ARHGAP28: variants seen among roughly 807,000 people sequenced by gnomAD.
ARHGAP28 encodes Rho GTPase activating protein 28.
A neutral mutation model predicts 90.7 loss-of-function variants in ARHGAP28; 56 were observed. That is an observed-to-expected ratio of 0.62 (90% CI 0.50 to 0.77). ARHGAP28 has a LOEUF of 0.77. Among genes scored for constraint, ARHGAP28 ranks in the 30% least tolerant of loss-of-function variants. The pLI, the probability that ARHGAP28 is intolerant of heterozygous loss-of-function variation, is 0.00. For synonymous variants in ARHGAP28, 308 were observed against 323.3 expected, an observed-to-expected ratio of 0.95 and a Z score of 0.51; for missense variants, 869 against 900.9, an observed-to-expected ratio of 0.96 and a Z score of 0.45.
intron 1 of ARHGAP28, among the ~76,000 whole-genome samples, chr18:6,781,829 T>C (rs1274553920): frequency 6.6e-6 from 1 of 152,248 alleles, no homozygotes; most frequent in Admixed American, 6.5e-5. Flanking sequence ...TGCCAGTTGA[T>C]ATCTCTTTTC....
In ARHGAP28 at chr18:6,736,658, A is replaced by G. The variant is rs376865908; in HGVS notation, c.122+6715A>G. On this transcript the variant is annotated intron_variant, in intron 1 of 17. Coordinates refer to ENST00000383472, the MANE Select transcript of ARHGAP28 (RefSeq NM_001366230.1). ...GCTACTTGGGAGGCTGAGGCAGGAG[A>G]ATCACTTGAACCCAGGAGGCGGAGG... Among the ~76,000 whole-genome samples the G allele has an allele frequency of 5.9e-5, 9 of 151,360 alleles. 1 individual carries two copies. The South Asian group carries it at 1.9e-3, about 32-fold the overall frequency.
chr18:6,828,357 G>A (rs1024485429), intron 2 of ARHGAP28, among the ~76,000 whole-genome samples: 2 of 151,988 alleles, frequency 1.3e-5, no homozygotes, highest in African/African-American at 2.4e-5. Context: ...GAGGGAGAGG[G>A]AGACCGTGGG....
intron 1 of ARHGAP28, among the ~76,000 whole-genome samples, chr18:6,734,046 G>T (rs1176101443): frequency 1.3e-5 from 2 of 152,196 alleles, no homozygotes; most frequent in East Asian, 3.8e-4. Flanking sequence ...ATAAGTATTT[G>T]TTGGGAGGAA....
chr18:6,880,295 G>C (rs564445413), intron 10 of ARHGAP28, among the ~76,000 whole-genome samples: 1 of 152,012 alleles, frequency 6.6e-6, no homozygotes, highest in Non-Finnish European at 1.5e-5. Context: ...TCCCTCCTGG[G>C]CATTTCTTCA....
At chr18:6,855,615 A>G (rs1360887664) in intron 4 of ARHGAP28, among the ~76,000 whole-genome samples, 2 of 152,228 alleles carry the variant, frequency 1.3e-5, no homozygotes, top group Admixed American at 1.3e-4. Context: ...GAGCTGTAAC[A>G]TAAACAGGGC....
At chr18:6,836,473 T>C (rs1450015441) in intron 2 of ARHGAP28, among the ~76,000 whole-genome samples, 1 of 152,046 alleles carries the variant, frequency 6.6e-6, no homozygotes, top group East Asian at 1.9e-4. Context: ...CACTGCACCT[T>C]ATCTGTGCAG....
At chr18:6,907,540 G>A (rs2057370747) in intron 16 of ARHGAP28, among the ~76,000 whole-genome samples, 1 of 152,106 alleles carries the variant, frequency 6.6e-6, no homozygotes, top group South Asian at 2.1e-4. Context: ...GGAAAAAAAG[G>A]CAATACAAAA....
At chr18:6,749,953 G>A (rs1163679979) in intron 1 of ARHGAP28, among the ~76,000 whole-genome samples, 1 of 152,058 alleles carries the variant, frequency 6.6e-6, no homozygotes, top group Non-Finnish European at 1.5e-5. Flanking sequence ...GAAGGAAAAA[G>A]GGGTATCTTC....
intron 5 of ARHGAP28, among the ~76,000 whole-genome samples, chr18:6,862,735 G>A (rs1648708762): frequency 6.6e-6 from 1 of 152,132 alleles, no homozygotes; most frequent in South Asian, 2.1e-4. Context: ...TGAATTTAAA[G>A]ATTAATATTG....
intron 4 of ARHGAP28, 61 bp from the exon 5 acceptor site, chr18:6,859,747 A>T: frequency 1.3e-6 from 2 of 1,508,100 alleles, no homozygotes; most frequent in African/African-American, 1.4e-5. Context: ...AGAGCAGAAT[A>T]CACAAACACA....
At chr18:6,752,240 ACT>A (rs1244915204) in intron 1 of ARHGAP28, among the ~76,000 whole-genome samples, 1 of 152,078 alleles carries the variant, frequency 6.6e-6, no homozygotes, top group Non-Finnish European at 1.5e-5. Context: ...CCTCATTGCT[ACT>A]CTCAGATAAA....
chr18:6,786,991 C>T (rs185112915), intron 1 of ARHGAP28, among the ~76,000 whole-genome samples: 2 of 151,826 alleles, frequency 1.3e-5, no homozygotes, highest in South Asian at 2.1e-4. Context: ...AGGCTGATGC[C>T]GACGGATCAC....
In ARHGAP28 at chr18:6,831,488, C is replaced by CT. The variant is rs76200243; in HGVS notation, c.326-5696dup. Among the ~76,000 whole-genome samples, 227 of 69,598 alleles carry CT rather than the reference C, an allele frequency of 3.3e-3. 1 individual carries two copies. The highest frequency in any genetic ancestry group is 9.6e-3 in the African/African-American group (200 of 20,774). 45.7% of individuals were successfully genotyped at this position (69,598 alleles called of 152,430 possible). On this transcript the variant is annotated intron_variant, in intron 2 of 17. Transcript: ENST00000383472. ...ATCTTGATGTTTTTTTTTTTTTTTT[C>CT]TTTTTTTTTTTTTATTATACTCTAA...
rs997364170 is a variant in ARHGAP28 at position 6,762,868 on chromosome 18, C to T, written c.122+32925C>T. ...AAATCTTAAGCCATCCAGTGTGTGA[C>T]GTTTTGTTATGGCAGCTCAAGCAGA... On this transcript the variant is annotated intron_variant, in intron 1 of 17. Coordinates refer to ENST00000383472, the MANE Select transcript of ARHGAP28 (RefSeq NM_001366230.1). Among the ~76,000 whole-genome samples the T allele has an allele frequency of 7.5e-4, 114 of 151,976 alleles. 2 individuals carry two copies. Among genetic ancestry groups the T allele is most frequent in the East Asian group, 3.9e-4 (2 of 5,178 alleles).
intron 1 of ARHGAP28, among the ~76,000 whole-genome samples, chr18:6,824,175 G>A (rs921246293): frequency 1.3e-5 from 2 of 152,172 alleles, no homozygotes; most frequent in African/African-American, 2.4e-5. Flanking sequence ...TGTATTTTAT[G>A]AGTGTGTGAA....
intron 1 of ARHGAP28, among the ~76,000 whole-genome samples, chr18:6,774,386 T>A (rs2056267342): frequency 6.6e-6 from 1 of 152,164 alleles, no homozygotes; most frequent in African/African-American, 2.4e-5. Context: ...TATTATTAGT[T>A]TATAGATGCA....
At chr18:6,907,552 TG>T (rs1472982209) in intron 16 of ARHGAP28, among the ~76,000 whole-genome samples, 2 of 152,146 alleles carry the variant, frequency 1.3e-5, no homozygotes, top group Non-Finnish European at 2.9e-5. Flanking sequence ...AATACAAAAA[TG>T]TTTCATACTG....
intron 10 of ARHGAP28, among the ~76,000 whole-genome samples, chr18:6,878,418 C>G (rs1298624531): frequency 1.3e-5 from 2 of 151,478 alleles, no homozygotes; most frequent in Admixed American, 1.3e-4. Context: ...GTGGGTGCAG[C>G]ACACCAGCAT....
At chr18:6,780,325 C>T (rs901093886) in intron 1 of ARHGAP28, among the ~76,000 whole-genome samples, 6 of 152,038 alleles carry the variant, frequency 3.9e-5, no homozygotes, top group African/African-American at 1.2e-4. Context: ...AAACTAACTA[C>T]GACAATTAAA....
Sources: gnomAD v4.1 joint callset for allele counts (sites outside exome capture counted in the v4.1 genomes callset) on GRCh38, gnomAD v4.1.1 for gene constraint, MANE v1.5 for transcripts, NCBI Gene and HGNC (gene_info 2026-07-23, HGNC 2026-07-21) for gene names.